Variants in EOGT observed in about 807,000 individuals in gnomAD.
The protein encoded by EOGT is EGF domain-specific O-linked N-acetylglucosamine transferase.
Under a neutral mutation model 70.5 loss-of-function variants are expected in EOGT, and 55 were observed. The ratio of observed to expected loss-of-function variants is 0.78; its 90% CI spans 0.63 to 0.98. The LOEUF (loss-of-function observed/expected upper bound fraction) is 0.98. Among genes scored for constraint, EOGT ranks in the 50% least tolerant of loss-of-function variants. The pLI is 0.00. For synonymous variants in EOGT, 246 were observed against 217.1 expected (o/e 1.13, Z -1.17); for missense variants, 703 against 641.9 (o/e 1.10, Z -1.03).
rs113380929 is a variant in EOGT at position 68,995,547 on chromosome 3, G to A, written c.831+2464C>T. ...GTAACCTGGGGTCTTCATGGTGGCC[G>A]TGCATCCTACTCCAGCAGCCACAGA... On this transcript the variant is annotated intron_variant, in intron 10 of 17. Coordinates refer to ENST00000383701, the MANE Select transcript of EOGT (RefSeq NM_001278689.2). Among the ~76,000 whole-genome samples, 8 of 152,216 alleles carry A rather than the reference G, an allele frequency of 5.3e-5. No homozygotes were observed. The South Asian group carries it at 1.2e-3, about 24-fold the overall frequency.
chr3:68,988,643 A>G, intron 11 of EOGT, 66 bp from the exon 12 acceptor site: 1 of 929,650 alleles, frequency 1.1e-6, no homozygotes, highest in Non-Finnish European at 1.6e-6. Flanking sequence ...TAGCACGTAT[A>G]ATTTTGAGAA....
At chr3:69,012,890 T>A (rs1263881586) in intron 1 of EOGT, 91 bp from the exon 2 acceptor site, 1 of 140,682 alleles carries the variant, frequency 7.1e-6, no homozygotes, top group Non-Finnish European at 1.6e-5. Context: ...TGGGGCAATG[T>A]CGCAGAGAGA....
At chr3:68,998,885 TTCA>T (rs1354482218) in intron 9 of EOGT, among the ~76,000 whole-genome samples, 2 of 151,072 alleles carry the variant, frequency 1.3e-5, no homozygotes, top group Non-Finnish European at 2.9e-5. Flanking sequence ...GAAACATCTG[TTCA>T]TCAGGGAAGT....
intron 9 of EOGT, among the ~76,000 whole-genome samples, chr3:69,000,508 T>A (rs188784084): frequency 6.6e-6 from 1 of 152,204 alleles, no homozygotes. Flanking sequence ...CCTAAACTTG[T>A]CTGATTTCTG....
At chr3:68,998,486 T>C (rs1044649531) in intron 9 of EOGT, among the ~76,000 whole-genome samples, 1 of 152,194 alleles carries the variant, frequency 6.6e-6, no homozygotes, top group Non-Finnish European at 1.5e-5. Context: ...ACTTTATTTA[T>C]TTTTTTAATC....
chr3:68,981,949 C>T (rs1487302808), intron 15 of EOGT, among the ~76,000 whole-genome samples: 1 of 151,686 alleles, frequency 6.6e-6, no homozygotes, highest in Non-Finnish European at 1.5e-5. Flanking sequence ...TACTGTCACA[C>T]AGGCCGGAGT....
Position 68,988,952 on chromosome 3 carries a change from T to C in EOGT, c.897A>G (p.Ile299Met), listed in dbSNP as rs2090898064. 4 of 1,529,818 alleles carry C rather than the reference T, an allele frequency of 2.6e-6. No individual in the cohort carries two copies. Among genetic ancestry groups the C allele is most frequent in the African/African-American group, 1.4e-5 (1 of 72,802 alleles). 94.8% of individuals were successfully genotyped at this position (1,529,818 alleles called of 1,614,324 possible). A position where few individuals can be genotyped will look rare whatever the true frequency, so the allele number is the denominator to read the frequency against. Residue 299 changes from isoleucine to methionine, a missense_variant, in exon 11 of 18, where the codon ATA becomes ATG. Physicochemically the swap from Ile to Met is conservative, Grantham distance 10. Coordinates refer to ENST00000383701, the MANE Select transcript of EOGT (RefSeq NM_001278689.2). ...TWNAFTDYDV[I>M]HLKTYDSKRV... ...TTTTGGAATCATAAGTTTTCAAATG[T>C]ATAACGTCATAATCAGTAAATGCAT...
At chr3:68,981,836 T>TATCAAACGTTTGATAA (rs1559587093) in intron 15 of EOGT, among the ~76,000 whole-genome samples, 5 of 152,012 alleles carry the variant, frequency 3.3e-5, no homozygotes, top group African/African-American at 1.2e-4. Context: ...GATAACTTTT[T>TATCAAACGTTTGATAA]TGTTATCAAA....
intron 9 of EOGT, among the ~76,000 whole-genome samples, chr3:69,000,511 G>T (rs939515670): frequency 1.3e-5 from 2 of 152,144 alleles, no homozygotes; most frequent in Non-Finnish European, 2.9e-5. Context: ...AAACTTGTCT[G>T]ATTTCTGAAT....
chr3:68,987,431 T>C lies in EOGT; in HGVS notation c.1152+14A>G, dbSNP rs373777136. 2.9e-5 allele frequency: 46 copies of C among 1,590,026 alleles called. No homozygotes were observed. The highest frequency in any genetic ancestry group is 2.6e-5 in the Non-Finnish European group (30 of 1,160,006). ...TGAATATGAAGGCATTAAAAATGCATACCAAAAACTAACCTCATTTTGGTT... is the reference window on the plus strand; with the variant it reads ...TGAATATGAAGGCATTAAAAATGCACACCAAAAACTAACCTCATTTTGGTT... On this transcript the variant is annotated intron_variant, in intron 14 of 17. Transcript: ENST00000383701.
intron 9 of EOGT, among the ~76,000 whole-genome samples, chr3:68,998,929 A>G (rs1464933573): frequency 2.0e-5 from 3 of 151,680 alleles, no homozygotes; most frequent in Non-Finnish European, 4.4e-5. Flanking sequence ...ACATTTTGGT[A>G]ATTTTCATTC....
rs967162217 is a variant in EOGT, at chr3:68,975,489, C to T, written c.*2129G>A. 1.1e-4 allele frequency: 17 copies of T among 152,188 alleles called. No homozygotes were observed. Among genetic ancestry groups the T allele is most frequent in the African/African-American group, 4.1e-4 (17 of 41,376 alleles). The allele number at this position is 152,188 out of a possible 1,614,324, so 9.4% of individuals were successfully genotyped here. On this transcript the variant is annotated 3_prime_UTR_variant, in exon 18 of 18. Coordinates refer to ENST00000383701, the MANE Select transcript of EOGT (RefSeq NM_001278689.2). ...AAATTCTCAGTAGTCTATAGTATCC[C>T]ATTTTCACATGCTTCTTAAAATGAG...
At chr3:68,999,925 T>C (rs991112352) in intron 9 of EOGT, among the ~76,000 whole-genome samples, 2 of 152,212 alleles carry the variant, frequency 1.3e-5, no homozygotes, top group East Asian at 3.9e-4. Context: ...CAAGTTAACA[T>C]GAAAAGGAAA....
intron 17 of EOGT, 40 bp from the exon 18 acceptor site, chr3:68,977,804 AG>A: frequency 6.3e-7 from 1 of 1,575,054 alleles, no homozygotes; most frequent in Non-Finnish European, 8.6e-7. Flanking sequence ...TAACTCAATG[AG>A]GGCATGGTTT....
At chr3:68,977,883 G>C in intron 17 of EOGT, 119 bp from the exon 18 acceptor site, 1 of 1,051,786 alleles carries the variant, frequency 9.5e-7, no homozygotes, top group Non-Finnish European at 1.3e-6. Context: ...TCAGAGACCA[G>C]CAAACTTTTC....
At chr3:69,007,661 TA>T in intron 6 of EOGT, 51 bp downstream of exon 6, 1 of 1,255,666 alleles carries the variant, frequency 8.0e-7, no homozygotes, top group Non-Finnish European at 1.1e-6. Context: ...CAAAAATAAA[TA>T]AAATTAAAAT....
chr3:68,992,921 T>C (rs1035698849), intron 10 of EOGT, among the ~76,000 whole-genome samples: 6 of 152,326 alleles, frequency 3.9e-5, no homozygotes, highest in African/African-American at 1.4e-4. Flanking sequence ...GAGCTGTACA[T>C]TGGCTCCTTT....
chr3:68,982,736 A>G, intron 15 of EOGT, 75 bp downstream of exon 15: 2 of 1,099,406 alleles, frequency 1.8e-6, no homozygotes, highest in Non-Finnish European at 2.6e-6. Flanking sequence ...CTCCCACTGG[A>G]AAAATGCTTT....
intron 15 of EOGT, among the ~76,000 whole-genome samples, chr3:68,982,323 C>A (rs2090669149): frequency 6.6e-6 from 1 of 151,968 alleles, no homozygotes; most frequent in African/African-American, 2.4e-5. Flanking sequence ...ACTTCAAGAC[C>A]AGCCTGACCA....
Sources: gnomAD v4.1 joint callset for allele counts (sites outside exome capture counted in the v4.1 genomes callset) on GRCh38, gnomAD v4.1.1 for gene constraint, MANE v1.5 for transcripts, NCBI Gene and HGNC (gene_info 2026-07-23, HGNC 2026-07-21) for gene names.